The following IRF4 variants were observed in gnomAD, a reference collection of about 807,000 sequenced individuals.
The protein encoded by IRF4 is interferon regulatory factor 4, also known as lymphocyte-specific interferon regulatory factor.
IRF4 carries 13 observed loss-of-function variants against 55.5 expected under a neutral mutation model. That is an observed-to-expected ratio of 0.23 (90% CI 0.15 to 0.37). The LOEUF (loss-of-function observed/expected upper bound fraction) is 0.37, where lower values mean the gene tolerates loss of function less well. Ranked by LOEUF, IRF4 falls within the 10% of genes least tolerant of loss-of-function variation. The pLI, the probability that IRF4 is intolerant of heterozygous loss-of-function variation, is 1.00. For synonymous variants in IRF4, 249 were observed against 240.7 expected (o/e 1.03, Z -0.32); for missense variants, 397 against 593.8 (o/e 0.67, Z 3.44).
intron 3 of IRF4, 103 bp from the exon 4 acceptor site, chr6:395,744 A>G: frequency 1.2e-6 from 1 of 824,466 alleles, no homozygotes; most frequent in Non-Finnish European, 2.0e-6. Flanking sequence ...CGTGTTATGC[A>G]TTCTAAGAAT....
intron 5 of IRF4, among the ~76,000 whole-genome samples, chr6:398,014 A>G (rs1233386272): frequency 6.6e-6 from 1 of 152,232 alleles, no homozygotes; most frequent in Admixed American, 6.5e-5. Flanking sequence ...GGCTGCAGGT[A>G]GTGAAGAGGT....
chr6:392,143 C>T (rs1761119368), intron 1 of IRF4, among the ~76,000 whole-genome samples: 2 of 152,238 alleles, frequency 1.3e-5, no homozygotes, highest in Non-Finnish European at 2.9e-5. Context: ...TCCAAGGCAC[C>T]CACACAAGAC....
At chr6:394,129 G>T (rs1364451449) in intron 2 of IRF4, among the ~76,000 whole-genome samples, 1 of 152,222 alleles carries the variant, frequency 6.6e-6, no homozygotes. Flanking sequence ...ACTTCCTCCG[G>T]GAATTTGGTC....
At chr6:402,317 T>C (rs1761423885) in intron 7 of IRF4, among the ~76,000 whole-genome samples, 1 of 152,202 alleles carries the variant, frequency 6.6e-6, no homozygotes. Context: ...AGTTTTGTTT[T>C]TCTACCTTGG....
chr6:402,461 C>CCGCCACT (rs1761429285), intron 7 of IRF4, among the ~76,000 whole-genome samples: 1 of 149,688 alleles, frequency 6.7e-6, no homozygotes, highest in Non-Finnish European at 1.5e-5. Flanking sequence ...GCTGCTCTAC[C>CCGCCACT]CGCCACTCGC....
chr6:392,641 G>T (rs1424960110), intron 1 of IRF4, among the ~76,000 whole-genome samples: 1 of 152,152 alleles, frequency 6.6e-6, no homozygotes, highest in Non-Finnish European at 1.5e-5. Context: ...CCGCAGGCGA[G>T]GTCCTCCGCG....
chr6:406,763 C>A, intron 8 of IRF4: 1 of 1,177,852 alleles, frequency 8.5e-7, no homozygotes, highest in Non-Finnish European at 1.1e-6. Flanking sequence ...TAATTCATTT[C>A]AGGTACTTAG....
At chr6:392,092 A>G (rs1263804023) in intron 1 of IRF4, among the ~76,000 whole-genome samples, 1 of 152,160 alleles carries the variant, frequency 6.6e-6, no homozygotes, top group South Asian at 2.1e-4. Context: ...GGATGAGCTA[A>G]CCGGACTGTC....
In IRF4 at chr6:407,848, G is replaced by A. The variant is rs978779101; in HGVS notation, c.*250G>A. 17 of 443,066 alleles carry A rather than the reference G, an allele frequency of 3.8e-5. No homozygotes were observed. Among genetic ancestry groups the A allele is most frequent in the East Asian group, 1.3e-4 (3 of 23,832 alleles). The allele number at this position is 443,066 out of a possible 1,614,324, so 27.4% of individuals were successfully genotyped here. A position where few individuals can be genotyped will look rare whatever the true frequency, so the allele number is the denominator to read the frequency against. On this transcript the variant is annotated 3_prime_UTR_variant, in exon 9 of 9. Coordinates refer to ENST00000380956, the MANE Select transcript of IRF4 (RefSeq NM_002460.4). ...GTAAATATTTGACTTTAGTGAAAGC[G>A]TCCAATTGACTGCCCTCTTACTGTT... is the stretch of plus-strand genomic sequence containing the variant.
Position 407,949 on chromosome 6 carries a change from G to T in IRF4, c.*351G>T. 1 of 316,530 alleles carries T rather than the reference G, an allele frequency of 3.2e-6. No homozygotes were observed. The highest frequency in any genetic ancestry group is 5.5e-5 in the East Asian group (1 of 18,114). The allele number at this position is 316,530 out of a possible 1,614,324, so 19.6% of individuals were successfully genotyped here. ...GGCGAGACAAGCATGGAAAATCAGT[G>T]ACATCTGATTGGCAGATGAGCTTAT... On this transcript the variant is annotated 3_prime_UTR_variant, in exon 9 of 9. Coordinates refer to ENST00000380956, the MANE Select transcript of IRF4 (RefSeq NM_002460.4).
intron 6 of IRF4, among the ~76,000 whole-genome samples, chr6:400,191 T>A (rs1212565485): frequency 2.6e-5 from 4 of 152,208 alleles, no homozygotes; most frequent in Non-Finnish European, 5.9e-5. Flanking sequence ...AAGATAGTTT[T>A]GTGGGTTTCT....
rs148958555 is a variant in IRF4 at position 409,797 on chromosome 6, G to A, written c.*2199G>A. Reference sequence around the variant, plus strand: ...CCCCACACAGCACTTCAAAGAAGCTGTCTTGGAAGTCTGTCTCAGGAGCAC... The same window carrying A: ...CCCCACACAGCACTTCAAAGAAGCTATCTTGGAAGTCTGTCTCAGGAGCAC... On this transcript the variant is annotated 3_prime_UTR_variant, in exon 9 of 9. Transcript: ENST00000380956. The A allele has an allele frequency of 9.0e-4, 204 of 225,770 alleles. No individual in the cohort carries two copies. The highest frequency in any genetic ancestry group is 5.3e-3 in the Middle Eastern group (4 of 758). 14.0% of individuals were successfully genotyped at this position (225,770 alleles called of 1,614,324 possible).
chr6:410,421 C>A lies in IRF4; in HGVS notation c.*2823C>A, dbSNP rs1761668794. On this transcript the variant is annotated 3_prime_UTR_variant, in exon 9 of 9. Coordinates refer to ENST00000380956, the MANE Select transcript of IRF4 (RefSeq NM_002460.4). ...GGAGAGTTAGTCGCCCTACAGAAAA[C>A]CCAGCTAGACTATTGGGTATGAACT... 4.4e-6 allele frequency: 1 copy of A among 229,092 alleles called. No homozygotes were observed. Among genetic ancestry groups the A allele is most frequent in the African/African-American group, 2.2e-5 (1 of 45,132 alleles). The allele number at this position is 229,092 out of a possible 1,614,324, so 14.2% of individuals were successfully genotyped here.
rs1761641460 is a variant in IRF4 at position 409,643 on chromosome 6, G to A, written c.*2045G>A. ...AGCAGACTGTGTTTCGTGAACTGCA[G>A]TGATGTATACATCTTATAGATGCAA... On this transcript the variant is annotated 3_prime_UTR_variant, in exon 9 of 9. Transcript: ENST00000380956. The A allele has an allele frequency of 4.5e-6, 1 of 222,212 alleles. No individual in the cohort carries two copies. The highest frequency in any genetic ancestry group is 9.0e-6 in the Non-Finnish European group (1 of 111,022). 13.8% of individuals were successfully genotyped at this position (222,212 alleles called of 1,614,324 possible).
intron 4 of IRF4, 61 bp downstream of exon 4, chr6:395,996 G>A: frequency 7.4e-7 from 1 of 1,350,970 alleles, no homozygotes; most frequent in Non-Finnish European, 1.0e-6. Context: ...TGCCCACATG[G>A]CCAGAGAACC....
chr6:393,378 C>T lies in IRF4; in HGVS notation c.216+10C>T, dbSNP rs1761169523. On this transcript the variant is annotated intron_variant, in intron 2 of 8. Transcript: ENST00000380956. The surrounding 1 kb of genome is among the most constrained non-coding windows in gnomAD (Gnocchi z 5.4). The stretch of plus-strand genomic sequence containing the variant: ...CGCCGCGCTCTTCAAGGTCTCCGGC[C>T]TCGGGAGCCGGCGGGGGCGCGCCGG... The T allele has an allele frequency of 9.0e-6, 14 of 1,548,984 alleles. No homozygotes were observed. Among genetic ancestry groups the T allele is most frequent in the Non-Finnish European group, 1.2e-5 (14 of 1,144,126 alleles).
In IRF4 at chr6:393,272, G is replaced by A. The variant is rs144020240; in HGVS notation, c.120G>A (p.Leu40=). The A allele has an allele frequency of 4.2e-5, 68 of 1,601,450 alleles. No homozygotes were observed. In the African/African-American group the frequency reaches 7.7e-4, roughly 18 times the overall value. The stretch of plus-strand genomic sequence containing the variant: ...TCGACAGCGGCAAGTACCCCGGGCT[G>A]GTGTGGGAGAACGAGGAGAAGAGCA... ...DQIDSGKYPG[L]VWENEEKSIF... is the part of the protein sequence containing the mutation. The change falls in exon 2 of 9, where the codon CTG becomes CTA. Residue 40 remains leucine, a synonymous_variant. Coordinates refer to ENST00000380956, the MANE Select transcript of IRF4 (RefSeq NM_002460.4). This position sits in a 1 kb window ranked among gnomAD's most constrained non-coding sequence, Gnocchi z 5.4.
intron 7 of IRF4, among the ~76,000 whole-genome samples, chr6:403,968 A>T (rs1761475861): frequency 6.6e-6 from 1 of 152,178 alleles, no homozygotes; most frequent in Non-Finnish European, 1.5e-5. Flanking sequence ...GAAAAAAAAA[A>T]AAGCAGGAAG....
chr6:395,280 C>CA (rs369029146), intron 3 of IRF4, among the ~76,000 whole-genome samples: 119 of 132,888 alleles, frequency 9.0e-4, no homozygotes, highest in South Asian at 1.2e-3. Context: ...GTTAGTCTTT[C>CA]AAAAAAAAAA....
Sources: gnomAD v4.1 joint callset for allele counts (sites outside exome capture counted in the v4.1 genomes callset) on GRCh38, gnomAD v4.1.1 for gene constraint, Gnocchi (gnomAD v3.1) non-coding constraint, MANE v1.5 for transcripts, NCBI Gene and HGNC (gene_info 2026-07-23, HGNC 2026-07-21) for gene names.